The following MACROD1 variants were observed in gnomAD, a reference collection of about 807,000 sequenced individuals.
The protein encoded by MACROD1 is mono-ADP ribosylhydrolase 1.
In MACROD1, 31 loss-of-function variants were observed where a neutral mutation model predicts 41.4. That is an observed-to-expected ratio of 0.75 (90% CI 0.56 to 1.01). The LOEUF (loss-of-function observed/expected upper bound fraction) is 1.01, where lower values mean the gene tolerates loss of function less well. MACROD1 is among the 50% of genes least tolerant of loss of function. The pLI is 0.00. For synonymous variants in MACROD1, 252 were observed against 203.4 expected (o/e 1.24, Z -2.03); for missense variants, 473 against 460.0 (o/e 1.03, Z -0.26).
intron 3 of MACROD1, among the ~76,000 whole-genome samples, chr11:64,023,390 T>C (rs1943182945): frequency 6.6e-6 from 1 of 152,016 alleles, no homozygotes; most frequent in Admixed American, 6.6e-5. Flanking sequence ...GGGGGGGTGA[T>C]CATTTAACTG....
intron 2 of MACROD1, 51 bp from the exon 3 acceptor site, chr11:64,151,406 G>A (rs1945575984): frequency 1.4e-6 from 2 of 1,435,886 alleles, no homozygotes; most frequent in African/African-American, 1.4e-5. Context: ...CCACTGCAGA[G>A]GGACCCAGCC....
intron 3 of MACROD1, among the ~76,000 whole-genome samples, chr11:64,079,294 G>A (rs1417878034): frequency 6.6e-6 from 1 of 152,100 alleles, no homozygotes; most frequent in Non-Finnish European, 1.5e-5. Flanking sequence ...AGCTGGCGCT[G>A]CAGATGCCTC....
chr11:64,126,488 C>T (rs1945183460), intron 3 of MACROD1, among the ~76,000 whole-genome samples: 1 of 152,126 alleles, frequency 6.6e-6, no homozygotes, highest in South Asian at 2.1e-4. Flanking sequence ...TGAAAGAGCC[C>T]GTACCCCCTA....
In MACROD1 at chr11:64,090,809, C is replaced by T. The variant is rs1406951635; in HGVS notation, c.517+60430G>A. On this transcript the variant is annotated intron_variant, in intron 3 of 10. Coordinates refer to ENST00000255681, the MANE Select transcript of MACROD1 (RefSeq NM_014067.4). This position sits in a 1 kb window ranked among gnomAD's most constrained non-coding sequence, Gnocchi z 4.7. The stretch of plus-strand genomic sequence containing the variant: ...AGGCACTTGGGGTTTGTCTCTGGGG[C>T]TCTGCAGAAGCAGAGCCCGAGTCGG... Among the ~76,000 whole-genome samples the T allele has an allele frequency of 7.9e-5, 12 of 152,100 alleles. No homozygotes were observed. Among genetic ancestry groups the T allele is most frequent in the Admixed American group, 7.2e-4 (11 of 15,288 alleles).
intron 3 of MACROD1, among the ~76,000 whole-genome samples, chr11:64,142,592 C>G (rs972129081): frequency 5.3e-5 from 8 of 152,330 alleles, no homozygotes; most frequent in African/African-American, 1.9e-4. Context: ...ACAAGGGCAT[C>G]TCAATAATTC....
In MACROD1 at chr11:63,998,999, T is replaced by C; in HGVS notation, c.929A>G (p.Asp310Gly). The change falls in exon 9 of 11, where the codon GAC becomes GGC. Residue 310 changes from aspartate (D) to glycine (G), a missense_variant. Asp to Gly is a moderately conservative substitution (Grantham distance 94). Transcript: ENST00000255681. The stretch of plus-strand genomic sequence containing the variant: ...GAGCCGGCTCCGGTAGATGTCCTCG[T>C]CCTTCTCGAGGAACACGCAGATGAT... ...RLIICVFLEK[D>G]EDIYRSRLPH... 6.2e-7 allele frequency: 1 copy of C among 1,609,058 alleles called. No homozygotes were observed. Among genetic ancestry groups the C allele is most frequent in the Non-Finnish European group, 8.5e-7 (1 of 1,178,440 alleles).
At chr11:64,084,434 ACTGTGGGCAGGCG>A (rs1565225045) in intron 3 of MACROD1, among the ~76,000 whole-genome samples, 1 of 152,032 alleles carries the variant, frequency 6.6e-6, no homozygotes, top group East Asian at 1.9e-4. Context: ...CCCTCCCTGC[ACTGTGGGCAGGCG>A]CTGTGGAGGC....
chr11:64,076,664 C>T (rs1944207631), intron 3 of MACROD1, among the ~76,000 whole-genome samples: 1 of 152,172 alleles, frequency 6.6e-6, no homozygotes, highest in Non-Finnish European at 1.5e-5. Context: ...GAGACGAAAT[C>T]GCCTAAGAAC....
rs776137747 is a variant in MACROD1 at position 64,152,354 on chromosome 11, T to C, written c.338A>G (p.His113Arg). Residue 113 changes from histidine to arginine, a missense_variant, in exon 2 of 11, where the codon CAT (histidine) becomes CGT (arginine). His to Arg is a conservative substitution (Grantham distance 29). Coordinates refer to ENST00000255681, the MANE Select transcript of MACROD1 (RefSeq NM_014067.4). ...CCTGACAAAGTCCTTGCAGAAGTAA[T>C]GTTCCTCCCGCTGCTTGTCACTCAG... ...KGLSDKQREE[H>R]YFCKDFVRLK... 3 of 1,614,130 alleles carry C rather than the reference T, an allele frequency of 1.9e-6. No homozygotes were observed. The highest frequency in any genetic ancestry group is 2.2e-5 in the East Asian group (1 of 44,894).
intron 3 of MACROD1, among the ~76,000 whole-genome samples, chr11:64,058,044 A>G (rs1943823416): frequency 1.3e-5 from 2 of 152,212 alleles, no homozygotes; most frequent in Admixed American, 6.5e-5. Flanking sequence ...GTAATGCGCA[A>G]TGTAATCTGC....
intron 3 of MACROD1, among the ~76,000 whole-genome samples, chr11:64,107,083 C>T (rs1470226057): frequency 1.3e-5 from 2 of 152,158 alleles, no homozygotes; most frequent in Admixed American, 6.5e-5. Context: ...AGAGTTTCGC[C>T]ATGTTGACCA....
intron 4 of MACROD1, chr11:64,001,555 C>T (rs1487426361): frequency 4.3e-6 from 3 of 702,264 alleles, no homozygotes; most frequent in African/African-American, 1.7e-5. Context: ...TGTTTGATCT[C>T]GTGCCCTGGG....
rs749736167 is a variant in MACROD1, at chr11:63,999,763, T to C, written c.665A>G (p.Tyr222Cys). 3 of 1,605,162 alleles carry C rather than the reference T, an allele frequency of 1.9e-6. No individual in the cohort carries two copies. The highest frequency in any genetic ancestry group is 2.5e-6 in the Non-Finnish European group (3 of 1,179,018). Residue 222 changes from tyrosine (Y) to cysteine (C), a missense_variant and splice_region_variant, in exon 6 of 11, where the codon TAC becomes TGC. Transcript: ENST00000255681. ...GATGGGCCCCACTGTGTGGATGACGTCTACGGGGGGCGACGGGGTCAGACC... is the reference window on the plus strand; with the variant it reads ...GATGGGCCCCACTGTGTGGATGACGCCTACGGGGGGCGACGGGGTCAGACC... ...ITGGYRLPAKYVIHTVGPIAY... is the reference protein window; with the variant it reads ...ITGGYRLPAKCVIHTVGPIAY...
At chr11:64,132,972 C>A (rs1235201761) in intron 3 of MACROD1, among the ~76,000 whole-genome samples, 1 of 152,326 alleles carries the variant, frequency 6.6e-6, no homozygotes, top group East Asian at 1.9e-4. Context: ...GGGTTCCCCC[C>A]ACTGCCCCGA....
chr11:63,999,474 T>TC, intron 7 of MACROD1, 56 bp downstream of exon 7: 1 of 1,570,424 alleles, frequency 6.4e-7, no homozygotes, highest in Non-Finnish European at 8.6e-7. Context: ...CCCCGGCCCC[T>TC]CCCGGCGTCT....
chr11:64,084,652 A>G (rs986806742), intron 3 of MACROD1, among the ~76,000 whole-genome samples: 2 of 152,212 alleles, frequency 1.3e-5, no homozygotes, highest in African/African-American at 4.8e-5. Flanking sequence ...CAGTGGGGTC[A>G]AAGAGTGATG....
rs1337189437 is a variant in MACROD1 at position 64,036,874 on chromosome 11, C to A, written c.518-21593G>T. On this transcript the variant is annotated intron_variant, in intron 3 of 10. Transcript: ENST00000255681. The surrounding 1 kb of genome is among the most constrained non-coding windows in gnomAD (Gnocchi z 5.6). ...CGACCCGGCGGCGCACGCCCCTCCTCGCGGGCACTGGAGACCCCGGGGAGG... is the reference window on the plus strand; with the variant it reads ...CGACCCGGCGGCGCACGCCCCTCCTAGCGGGCACTGGAGACCCCGGGGAGG... Among the ~76,000 whole-genome samples the A allele has an allele frequency of 6.6e-6, 1 of 152,168 alleles. No individual in the cohort carries two copies. Among genetic ancestry groups the A allele is most frequent in the Non-Finnish European group, 1.5e-5 (1 of 68,024 alleles).
intron 3 of MACROD1, among the ~76,000 whole-genome samples, chr11:64,066,633 T>C (rs1402069930): frequency 6.7e-6 from 1 of 148,294 alleles, no homozygotes; most frequent in Non-Finnish European, 1.5e-5. Context: ...CAAGACCATG[T>C]CTTCAAAAAG....
intron 3 of MACROD1, among the ~76,000 whole-genome samples, chr11:64,111,568 A>G (rs1371557091): frequency 6.6e-6 from 1 of 152,110 alleles, no homozygotes; most frequent in East Asian, 1.9e-4. Context: ...TGGGCCCCTC[A>G]TGTCTCTGAG....
Sources: allele counts gnomAD v4.1 joint callset (sites outside exome capture counted in the v4.1 genomes callset), GRCh38; gene constraint gnomAD v4.1.1; non-coding constraint Gnocchi (gnomAD v3.1); transcripts MANE v1.5; gene names NCBI Gene and HGNC (gene_info 2026-07-23, HGNC 2026-07-21).